Variants in DNAH1 observed in about 807,000 individuals in gnomAD.
DNAH1 encodes dynein axonemal heavy chain 1.
A neutral mutation model predicts 484.3 loss-of-function variants in DNAH1; 327 were observed. That is an observed-to-expected ratio of 0.68 (90% CI 0.62 to 0.74). DNAH1 has a LOEUF of 0.74. Ranked by LOEUF, DNAH1 falls within the 30% of genes least tolerant of loss-of-function variation. The pLI is 0.00. For missense variants in DNAH1, 5,052 were observed against 5,546.8 expected, an observed-to-expected ratio of 0.91 and a Z score of 2.83; for synonymous variants, 2,192 against 2,191.9, an observed-to-expected ratio of 1.00 and a Z score of 0.00.
In DNAH1 at chr3:52,345,550, C is replaced by T. The variant is rs769658191; in HGVS notation, c.1500C>T (p.Phe500=). ...GGGAGCAGAAGGAGGACTTCACTTT[C>T]GTGTCCCTGCTCACACGGCCAGAGG... ...HFWEQKEDFT[F]VSLLTRPEVI... Residue 500 remains phenylalanine, a synonymous_variant, in exon 10 of 78, where the codon TTC becomes TTT. Coordinates refer to ENST00000420323, the MANE Select transcript of DNAH1 (RefSeq NM_015512.5). 11 of 1,588,838 alleles carry T rather than the reference C, an allele frequency of 6.9e-6. No individual in the cohort carries two copies. Among genetic ancestry groups the T allele is most frequent in the South Asian group, 5.7e-5 (5 of 87,680 alleles).
At chr3:52,387,766 C>T (rs1212747324) in intron 56 of DNAH1, among the ~76,000 whole-genome samples, 1 of 152,184 alleles carries the variant, frequency 6.6e-6, no homozygotes, top group Non-Finnish European at 1.5e-5. Flanking sequence ...GGGACAAGAG[C>T]CCCAGGGGGT....
At chr3:52,356,997 C>G (rs1702635710) in intron 22 of DNAH1, among the ~76,000 whole-genome samples, 1 of 151,824 alleles carries the variant, frequency 6.6e-6, no homozygotes, top group African/African-American at 2.4e-5. Flanking sequence ...GATCCACAGC[C>G]CATATTAACG....
At chr3:52,400,295 C>A (rs1436389080) in intron 77 of DNAH1, 30 bp from the exon 78 acceptor site, 1 of 1,613,254 alleles carries the variant, frequency 6.2e-7, no homozygotes, top group Admixed American at 1.7e-5. Context: ...AGGGCATGAC[C>A]TAACCCGTCC....
chr3:52,337,285 G>A (rs1188263357), intron 8 of DNAH1, among the ~76,000 whole-genome samples: 1 of 152,164 alleles, frequency 6.6e-6, no homozygotes, highest in Non-Finnish European at 1.5e-5. Context: ...TTTGTTTCCC[G>A]AAACTTCACT....
At chr3:52,344,360 T>C (rs1702061056) in intron 8 of DNAH1, 130 bp from the exon 9 acceptor site, 1 of 1,132,746 alleles carries the variant, frequency 8.8e-7, no homozygotes, top group Non-Finnish European at 1.2e-6. Flanking sequence ...GGTGGGGGTG[T>C]GCCCATGAAT....
chr3:52,313,121 T>C (rs752484743), upstream of DNAH1, among the ~76,000 whole-genome samples: 5 of 152,160 alleles, frequency 3.3e-5, no homozygotes, highest in Non-Finnish European at 7.4e-5. Context: ...TCAGGAGTAC[T>C]GGGGAAAGAG....
Position 52,353,526 on chromosome 3 carries a change from A to G in DNAH1, c.3373A>G (p.Lys1125Glu). The G allele has an allele frequency of 1.2e-6, 2 of 1,613,902 alleles. No individual in the cohort carries two copies. The highest frequency in any genetic ancestry group is 1.7e-6 in the Non-Finnish European group (2 of 1,179,876). ...CCAGATCAACATCAATGTCAGGCCC[A>G]AGGCCAACCTGACCTTTGCTCGCTG... The part of the protein sequence containing the change: ...SNQININVRP[K>E]ANLTFARCLE... The change falls in exon 20 of 78, where the codon AAG (lysine) becomes GAG (glutamate). Residue 1125 changes from lysine (K) to glutamate (E), a missense_variant. Lys to Glu is a moderately conservative substitution (Grantham distance 56, BLOSUM62 1). Transcript: ENST00000420323. This position sits in a 1 kb window ranked among gnomAD's most constrained non-coding sequence, Gnocchi z 5.0.
chr3:52,389,387 C>G (rs1298910435), intron 59 of DNAH1, 74 bp from the exon 60 acceptor site: 1 of 1,593,592 alleles, frequency 6.3e-7, no homozygotes, highest in East Asian at 2.3e-5. Flanking sequence ...CTGCCAAGCA[C>G]TGTGGCTTAG....
intron 26 of DNAH1, 140 bp downstream of exon 26, chr3:52,359,526 T>C: frequency 8.2e-7 from 1 of 1,221,174 alleles, no homozygotes; most frequent in Admixed American, 2.6e-5. Flanking sequence ...CAGACACCCT[T>C]GAAGTGTCTC....
Position 52,386,688 on chromosome 3 carries a change from G to T in DNAH1, c.8838G>T (p.Pro2946=). 6.3e-7 allele frequency: 1 copy of T among 1,589,626 alleles called. No homozygotes were observed. Among genetic ancestry groups the T allele is most frequent in the South Asian group, 1.2e-5 (1 of 86,886 alleles). ...TACGTGCCATGCAGCGGCCACCCCC[G>T]GGTGTGAAACTGGTCATAGAAGCTG... The part of the protein sequence containing the change: ...TEVRAMQRPP[P]GVKLVIEAVC... The change falls in exon 56 of 78, where the codon CCG becomes CCT. Residue 2946 remains proline (P), a synonymous_variant. Coordinates refer to ENST00000420323, the MANE Select transcript of DNAH1 (RefSeq NM_015512.5).
intron 1 of DNAH1, chr3:52,321,646 AG>A (rs1701151879): frequency 6.6e-6 from 1 of 152,200 alleles, no homozygotes; most frequent in Non-Finnish European, 1.5e-5. Context: ...CTTGTCCTCC[AG>A]GTGGTGGATG....
Position 52,361,674 on chromosome 3 carries a change from G to A in DNAH1, c.4888G>A (p.Ala1630Thr). The A allele has an allele frequency of 6.2e-7, 1 of 1,606,846 alleles. No individual in the cohort carries two copies. Among genetic ancestry groups the A allele is most frequent in the African/African-American group, 1.3e-5 (1 of 74,942 alleles). Residue 1630 changes from alanine to threonine, a missense_variant, in exon 30 of 78, where the codon GCC (alanine) becomes ACC (threonine). Physicochemically the swap from Ala to Thr is moderately conservative, Grantham distance 58. This residue lies in a region of DNAH1 where 2,929 missense variants were observed against 3,409.4 expected (regional missense o/e 0.86). Coordinates refer to ENST00000420323, the MANE Select transcript of DNAH1 (RefSeq NM_015512.5). The surrounding 1 kb of genome is among the most constrained non-coding windows in gnomAD (Gnocchi z 5.6). ...FKGLASAGAWACFDEFNRIDI... is the reference protein window; with the variant it reads ...FKGLASAGAWTCFDEFNRIDI... ...GGCCTCACTCAGTGCTGGGGCCTGGGCCTGCTTCGACGAGTTCAATCGCAT... is the reference window on the plus strand; with the variant it reads ...GGCCTCACTCAGTGCTGGGGCCTGGACCTGCTTCGACGAGTTCAATCGCAT...
intron 46 of DNAH1, among the ~76,000 whole-genome samples, chr3:52,377,367 A>G (rs903617762): frequency 4.0e-5 from 6 of 151,334 alleles, no homozygotes; most frequent in East Asian, 2.0e-4. Context: ...ACCCATCCCA[A>G]TCGGCCACTG....
chr3:52,388,271 C>T lies in DNAH1; in HGVS notation c.9108C>T (p.Ile3036=), dbSNP rs1486352655. The part of the protein sequence containing the change: ...IAKVSKACTS[I]CQWVRAMHKY... ...AGGTGTCCAAGGCTTGCACCTCCAT[C>T]TGCCAGTGGGTGCGCGCCATGCACA... Residue 3036 remains isoleucine, a synonymous_variant, in exon 57 of 78, where the codon ATC becomes ATT. Transcript: ENST00000420323. 8 of 1,602,744 alleles carry T rather than the reference C, an allele frequency of 5.0e-6. No homozygotes were observed. In the East Asian group the frequency reaches 1.4e-4, roughly 27 times the overall value.
intron 1 of DNAH1, among the ~76,000 whole-genome samples, chr3:52,317,355 C>T (rs986213066): frequency 6.6e-6 from 1 of 152,114 alleles, no homozygotes; most frequent in African/African-American, 2.4e-5. Context: ...CATCCGCTGC[C>T]CAGCGGAAGC....
At chr3:52,383,795 G>A in intron 51 of DNAH1, 65 bp from the exon 52 acceptor site, 1 of 1,507,964 alleles carries the variant, frequency 6.6e-7, no homozygotes, top group Non-Finnish European at 8.9e-7. Context: ...AAGGGCCCTG[G>A]GTCCTGGGCT....
chr3:52,382,712 C>T (rs1036750315), intron 50 of DNAH1, among the ~76,000 whole-genome samples: 1 of 152,250 alleles, frequency 6.6e-6, no homozygotes, highest in Non-Finnish European at 1.5e-5. Flanking sequence ...TAGCATAGCA[C>T]CCCACTCACT....
chr3:52,385,046 T>C, intron 53 of DNAH1, 69 bp downstream of exon 53: 1 of 1,509,328 alleles, frequency 6.6e-7, no homozygotes, highest in South Asian at 1.3e-5. Context: ...CAGCCCTGAC[T>C]CCAGGGTGAC....
At chr3:52,367,212 C>G (rs1020069762) in intron 36 of DNAH1, among the ~76,000 whole-genome samples, 1 of 152,194 alleles carries the variant, frequency 6.6e-6, no homozygotes, top group South Asian at 2.1e-4. Context: ...GCCCCTGCTC[C>G]CAGGCCGGGG....
Sources: allele counts gnomAD v4.1 joint callset (sites outside exome capture counted in the v4.1 genomes callset), GRCh38; gene constraint gnomAD v4.1.1; regional missense constraint gnomAD v4.1.1; non-coding constraint Gnocchi (gnomAD v3.1); transcripts MANE v1.5; gene names NCBI Gene and HGNC (gene_info 2026-07-23, HGNC 2026-07-21).